Variants in WDFY4 observed in about 807,000 individuals in gnomAD.
The protein encoded by WDFY4 is WDFY family member 4, also known as WD repeat- and FYVE domain-containing protein 4.
Under a neutral mutation model 351.9 loss-of-function variants are expected in WDFY4, and 169 were observed. The ratio of observed to expected loss-of-function variants is 0.48; its 90% CI spans 0.42 to 0.55. The LOEUF (loss-of-function observed/expected upper bound fraction) is 0.55, where lower values mean the gene tolerates loss of function less well. WDFY4 is among the 20% of genes least tolerant of loss of function. The pLI is 0.00. For synonymous variants in WDFY4, 1,622 were observed against 1,574.6 expected (o/e 1.03, Z -0.71); for missense variants, 3,803 against 3,935.6 (o/e 0.97, Z 0.90).
intron 39 of WDFY4, among the ~76,000 whole-genome samples, chr10:48,861,033 G>T (rs1284509365): frequency 6.6e-6 from 1 of 151,724 alleles, no homozygotes. Context: ...ACATTTTTTT[G>T]GAATTAAATT....
At chr10:48,774,421 C>T (rs142821006) in intron 13 of WDFY4, 37 bp from the exon 14 acceptor site, 2 of 1,549,210 alleles carry the variant, frequency 1.3e-6, no homozygotes, top group African/African-American at 2.7e-5. Context: ...AGGTGTTCTG[C>T]CCTGGAGGGC....
At chr10:48,732,613 G>C (rs1432380952) in intron 9 of WDFY4, among the ~76,000 whole-genome samples, 1 of 152,222 alleles carries the variant, frequency 6.6e-6, no homozygotes, top group Non-Finnish European at 1.5e-5. Context: ...GTGATCTTGA[G>C]AAAGTGACTT....
At chr10:48,796,566 G>A (rs576902753) in intron 24 of WDFY4, 116 bp downstream of exon 24, 14 of 1,399,818 alleles carry the variant, frequency 1.0e-5, no homozygotes, top group East Asian at 2.5e-5. Context: ...TGATGGTAGG[G>A]AGAGGGAAAA....
intron 47 of WDFY4, among the ~76,000 whole-genome samples, chr10:48,920,312 A>G (rs1226551428): frequency 6.6e-6 from 1 of 151,556 alleles, no homozygotes; most frequent in Non-Finnish European, 1.5e-5. Context: ...TGGGAATTGA[A>G]CAATGAGAAC....
chr10:48,830,826 T>C lies in WDFY4; in HGVS notation c.6467T>C (p.Ile2156Thr). 2.6e-6 allele frequency: 4 copies of C among 1,551,628 alleles called. No individual in the cohort carries two copies. The highest frequency in any genetic ancestry group is 3.5e-6 in the Non-Finnish European group (4 of 1,146,964). ...AAACCTGGAGAGAGGGAAGTGAAGA[T>C]TGAAGAGGTCACACCGCTCTGGGAG... Reference protein sequence around the residue: ...SVKPGEREVKIEEVTPLWEET... With the variant: ...SVKPGEREVKTEEVTPLWEET... Residue 2156 changes from isoleucine to threonine, a missense_variant, in exon 38 of 62, where the codon ATT (isoleucine) becomes ACT (threonine). Ile to Thr is a moderately conservative substitution (Grantham distance 89, BLOSUM62 -1). Transcript: ENST00000325239.
chr10:48,964,064 G>A lies in WDFY4; in HGVS notation c.8436+10G>A. 6.5e-7 allele frequency: 1 copy of A among 1,549,486 alleles called. No individual in the cohort carries two copies. Among genetic ancestry groups the A allele is most frequent in the South Asian group, 1.2e-5 (1 of 83,954 alleles). On this transcript the variant is annotated intron_variant, in intron 54 of 61. Transcript: ENST00000325239. Reference sequence around the variant, plus strand: ...ACAGGTGCCCAAACAGGTACAGCATGCCTTGTCATTTGCCTTGCTTTCTCA... The same window carrying A: ...ACAGGTGCCCAAACAGGTACAGCATACCTTGTCATTTGCCTTGCTTTCTCA...
chr10:48,772,517 C>CTTTTTTTTTTTTTTTTTTTTCATTTTTT (rs10672319), intron 13 of WDFY4, among the ~76,000 whole-genome samples: 1 of 70,654 alleles, frequency 1.4e-5, no homozygotes, highest in Non-Finnish European at 2.7e-5. Context: ...GAGGGCAGTT[C>CTTTTTTTTTTTTTTTTTTTTCATTTTTT]TTTTTTTTTT....
Position 48,786,887 on chromosome 10 carries a change from T to C in WDFY4, c.3808+17T>C. On this transcript the variant is annotated intron_variant, in intron 20 of 61. Transcript: ENST00000325239. ...ATGTCCAAGGTATGGAGTGTTTTGA[T>C]TTACAATGTTCTTGCTGATATTAGT... 1 of 1,544,454 alleles carries C rather than the reference T, an allele frequency of 6.5e-7. No individual in the cohort carries two copies. Among genetic ancestry groups the C allele is most frequent in the Non-Finnish European group, 8.8e-7 (1 of 1,141,000 alleles).
At chr10:48,838,097 A>T (rs1224978967) in intron 39 of WDFY4, among the ~76,000 whole-genome samples, 1 of 152,266 alleles carries the variant, frequency 6.6e-6, no homozygotes, top group African/African-American at 2.4e-5. Flanking sequence ...AGGGCTGTGT[A>T]AGAATTAACA....
At chr10:48,911,007 T>TACATGATGACTTTC in intron 47 of WDFY4, 1 of 610,988 alleles carries the variant, frequency 1.6e-6, no homozygotes, top group Non-Finnish European at 2.1e-6. Context: ...AAATGGAAAG[T>TACATGATGACTTTC]CATCATGTAG....
intron 1 of WDFY4, among the ~76,000 whole-genome samples, chr10:48,698,288 C>T (rs1270442500): frequency 2.6e-5 from 4 of 152,236 alleles, no homozygotes; most frequent in Non-Finnish European, 4.4e-5. Flanking sequence ...ACACCAATCT[C>T]CTGCACATTT....
At chr10:48,720,876 C>T (rs1168828174) in intron 3 of WDFY4, among the ~76,000 whole-genome samples, 2 of 152,136 alleles carry the variant, frequency 1.3e-5, no homozygotes, top group African/African-American at 4.8e-5. Context: ...GGAGGAAATT[C>T]TGAGGGGAAG....
At chr10:48,872,150 C>A (rs1056915672) in intron 40 of WDFY4, among the ~76,000 whole-genome samples, 1 of 152,222 alleles carries the variant, frequency 6.6e-6, no homozygotes, top group African/African-American at 2.4e-5. Context: ...GCCATGCTTT[C>A]ATGGGAATGC....
intron 14 of WDFY4, 143 bp from the exon 15 acceptor site, chr10:48,775,569 C>T: frequency 1.3e-6 from 1 of 746,918 alleles, no homozygotes; most frequent in Non-Finnish European, 2.2e-6. Context: ...CACCCTGTCT[C>T]CACATTGCTT....
Position 48,736,023 on chromosome 10 carries a change from T to C in WDFY4, c.1831T>C (p.Cys611Arg), listed in dbSNP as rs759041581. Residue 611 changes from cysteine to arginine, a missense_variant, in exon 11 of 62, where the codon TGC (cysteine) becomes CGC (arginine). By Grantham distance (180) the Cys-to-Arg change is radical. Coordinates refer to ENST00000325239, the MANE Select transcript of WDFY4 (RefSeq NM_001394531.1). ...EYMSIIVGAL[C>R]SSTQGELQLK... Reference sequence around the variant, plus strand: ...CATGAGCATCATTGTGGGTGCTCTATGCTCATCCACTCAAGGGGAGCTGCA... The same window carrying C: ...CATGAGCATCATTGTGGGTGCTCTACGCTCATCCACTCAAGGGGAGCTGCA... 1.2e-5 allele frequency: 18 copies of C among 1,551,886 alleles called. No individual in the cohort carries two copies. The highest frequency in any genetic ancestry group is 1.6e-5 in the Non-Finnish European group (18 of 1,147,036).
At chr10:48,857,256 TA>T (rs546888887) in intron 39 of WDFY4, among the ~76,000 whole-genome samples, 1 of 151,796 alleles carries the variant, frequency 6.6e-6, no homozygotes, top group African/African-American at 2.4e-5. Context: ...CACAAACTAT[TA>T]AAAAAAGTGT....
At chr10:48,770,316 G>T (rs893649540) in intron 13 of WDFY4, among the ~76,000 whole-genome samples, 2 of 152,064 alleles carry the variant, frequency 1.3e-5, no homozygotes, top group African/African-American at 4.8e-5. Context: ...CTGCTATGTT[G>T]GGGGGAAAGA....
rs141506420 is a variant in WDFY4 at position 48,959,385 on chromosome 10, A to G, written c.8132-337A>G. On this transcript the variant is annotated intron_variant, in intron 52 of 61. Transcript: ENST00000325239. ...CTATCACTGTATCTCCTGATTGTTT[A>G]ATGCTGTGTAAAAAGCACCCAGAAG... Among the ~76,000 whole-genome samples the G allele has an allele frequency of 3.3e-3, 508 of 152,328 alleles. 1 individual carries two copies. Among genetic ancestry groups the G allele is most frequent in the Non-Finnish European group, 4.9e-3 (335 of 68,018 alleles).
intron 1 of WDFY4, among the ~76,000 whole-genome samples, chr10:48,696,225 A>G (rs1017673265): frequency 1.3e-5 from 2 of 152,184 alleles, no homozygotes; most frequent in African/African-American, 4.8e-5. Context: ...CTAGGGCCGC[A>G]CCGAGGTGAT....
Sources: allele counts gnomAD v4.1 joint callset (sites outside exome capture counted in the v4.1 genomes callset), GRCh38; gene constraint gnomAD v4.1.1; transcripts MANE v1.5; gene names NCBI Gene and HGNC (gene_info 2026-07-23, HGNC 2026-07-21).